The following HLF variants were observed in gnomAD, a reference collection of about 807,000 sequenced individuals.
HLF encodes the protein HLF transcription factor, PAR bZIP family member.
In HLF, 3 loss-of-function variants were observed where a neutral mutation model predicts 22.6. The observed-to-expected ratio is 0.13, with a 90% CI of 0.06 to 0.34. The LOEUF (loss-of-function observed/expected upper bound fraction) is 0.34. HLF is among the 10% of genes least tolerant of loss of function. HLF has a pLI of 1.00. For synonymous variants in HLF, 151 were observed against 151.8 expected, an observed-to-expected ratio of 0.99 and a Z score of 0.04; for missense variants, 299 against 389.2, an observed-to-expected ratio of 0.77 and a Z score of 1.95.
At chr17:55,308,053 C>T (rs1904662510) in intron 2 of HLF, among the ~76,000 whole-genome samples, 1 of 152,058 alleles carries the variant, frequency 6.6e-6, no homozygotes, top group African/African-American at 2.4e-5. Context: ...AGAAGGAAGG[C>T]CAGTGTGGCC....
In HLF at chr17:55,286,428, A is replaced by T. The variant is rs1049944346; in HGVS notation, c.451+18342A>T. On this transcript the variant is annotated intron_variant, in intron 2 of 3. Transcript: ENST00000226067. ...CAAATATCTAATTTCAAAAAGAGGA[A>T]TTAGGAGAAAGAGGTGGTATAATTC... Among the ~76,000 whole-genome samples the T allele has an allele frequency of 2.0e-5, 3 of 152,234 alleles. No homozygotes were observed. The South Asian group carries it at 6.2e-4, about 32-fold the overall frequency.
chr17:55,270,626 A>G (rs192701110), intron 2 of HLF, among the ~76,000 whole-genome samples: 58 of 150,938 alleles, frequency 3.8e-4, no homozygotes, highest in African/African-American at 1.2e-3. Flanking sequence ...GTGTTTCTCA[A>G]CCTTGGCACT....
At position 55,265,556 on chromosome 17, in the gene HLF, C is replaced by T. The variant is rs1226280850; in HGVS notation, c.72C>T (p.Ser24=). 1.2e-6 allele frequency: 2 copies of T among 1,608,462 alleles called. No homozygotes were observed. The highest frequency in any genetic ancestry group is 1.7e-5 in the Admixed American group (1 of 59,614). ...CGCCTCCCTACGGCGTGCTCAGGTC[C>T]CTGCTGGAGAACCCGCTGAAGCTCC... ...FIPPPYGVLR[S]LLENPLKLPL... is the part of the protein sequence containing the mutation. The change falls in exon 1 of 4, where the codon TCC becomes TCT. Residue 24 remains serine (S), a synonymous_variant. Transcript: ENST00000226067.
intron 2 of HLF, among the ~76,000 whole-genome samples, chr17:55,313,077 C>T (rs1423349245): frequency 6.6e-6 from 1 of 152,160 alleles, no homozygotes; most frequent in Non-Finnish European, 1.5e-5. Flanking sequence ...GTCTGTGGTC[C>T]AGTTAGGTTT....
At chr17:55,270,642 T>C (rs2080843325) in intron 2 of HLF, among the ~76,000 whole-genome samples, 1 of 150,468 alleles carries the variant, frequency 6.6e-6, no homozygotes, top group Non-Finnish European at 1.5e-5. Flanking sequence ...GCACTGTTAA[T>C]GTTTTGGGTA....
Position 55,322,276 on chromosome 17 carries a change from A to G in HLF, c.*1397A>G. On this transcript the variant is annotated 3_prime_UTR_variant, in exon 4 of 4. Transcript: ENST00000226067. ...AATGTTTACTATAGACCAAAAGGAGAGATTATTAAATCGTTTAATGTTTAT... is the reference window on the plus strand; with the variant it reads ...AATGTTTACTATAGACCAAAAGGAGGGATTATTAAATCGTTTAATGTTTAT... 5.1e-6 allele frequency: 1 copy of G among 196,418 alleles called. No individual in the cohort carries two copies. Among genetic ancestry groups the G allele is most frequent in the Non-Finnish European group, 1.1e-5 (1 of 94,240 alleles). 12.2% of individuals were successfully genotyped at this position (196,418 alleles called of 1,614,324 possible).
At chr17:55,265,941 C>T (rs895083172) in intron 1 of HLF, 16 of 850,768 alleles carry the variant, frequency 1.9e-5, no homozygotes, top group African/African-American at 3.6e-5. Context: ...AGCCCGCCTG[C>T]GGAGGGCAGA....
In HLF at chr17:55,322,657, CA is replaced by C; in HGVS notation, c.*1782del. ...CAGAAAGAAGTCAGTTAACGTCACC[CA>C]AAAGCACAAAATGGATTTTAGTCAA... is the stretch of plus-strand genomic sequence containing the variant. On this transcript the variant is annotated 3_prime_UTR_variant, in exon 4 of 4. Transcript: ENST00000226067. 1 of 216,588 alleles carries C rather than the reference CA, an allele frequency of 4.6e-6. No homozygotes were observed. The highest frequency in any genetic ancestry group is 9.3e-6 in the Non-Finnish European group (1 of 107,202). The allele number at this position is 216,588 out of a possible 1,614,324, so 13.4% of individuals were successfully genotyped here.
intron 1 of HLF, among the ~76,000 whole-genome samples, chr17:55,267,043 C>A (rs1405621875): frequency 6.6e-6 from 1 of 152,144 alleles, no homozygotes; most frequent in African/African-American, 2.4e-5. Context: ...TCAGTGTGCC[C>A]CAGTGGCTTT....
At chr17:55,282,848 A>G (rs2080966151) in intron 2 of HLF, among the ~76,000 whole-genome samples, 1 of 152,238 alleles carries the variant, frequency 6.6e-6, no homozygotes, top group South Asian at 2.1e-4. Context: ...AGAATCTGAC[A>G]TTCTTCCACT....
chr17:55,267,591 C>T, intron 1 of HLF, 160 bp from the exon 2 acceptor site: 1 of 564,636 alleles, frequency 1.8e-6, no homozygotes, highest in Non-Finnish European at 3.1e-6. Context: ...CACGTCCTGC[C>T]TGAACTTTTA....
intron 2 of HLF, 93 bp downstream of exon 2, chr17:55,268,179 G>T: frequency 2.2e-6 from 2 of 927,738 alleles, no homozygotes; most frequent in Non-Finnish European, 3.2e-6. Context: ...TAACACTCAG[G>T]TTTTAGCAAA....
In HLF at chr17:55,324,808, T is replaced by TGTGCGC. The variant is rs142611274; in HGVS notation, c.*3930_*3931insTGCGCG. On this transcript the variant is annotated 3_prime_UTR_variant, in exon 4 of 4. Coordinates refer to ENST00000226067, the MANE Select transcript of HLF (RefSeq NM_002126.5). ...GTGTAAGAGTGTGTGTGTGTGTGTG[T>TGTGCGC]GCGTGCATGTGTGTGTGTGTGTATG... 2.9e-4 allele frequency: 66 copies of TGTGCGC among 231,166 alleles called. No homozygotes were observed. The highest frequency in any genetic ancestry group is 6.6e-4 in the East Asian group (11 of 16,556). 14.3% of individuals were successfully genotyped at this position (231,166 alleles called of 1,614,324 possible).
intron 2 of HLF, among the ~76,000 whole-genome samples, chr17:55,305,138 C>T (rs1904483942): frequency 6.6e-6 from 1 of 152,242 alleles, no homozygotes; most frequent in Non-Finnish European, 1.5e-5. Context: ...ATACATCAGA[C>T]ACCCTGTCTG....
At chr17:55,272,011 G>A (rs1167776751) in intron 2 of HLF, 2 of 152,220 alleles carry the variant, frequency 1.3e-5, no homozygotes, top group Admixed American at 1.3e-4. Context: ...GCTATTGTGG[G>A]ATCACCAAGC....
At chr17:55,313,707 C>T (rs1183265876) in intron 2 of HLF, among the ~76,000 whole-genome samples, 2 of 152,158 alleles carry the variant, frequency 1.3e-5, no homozygotes, top group Non-Finnish European at 2.9e-5. Flanking sequence ...TAGCTTGACA[C>T]CATCCAGTAC....
chr17:55,313,202 T>C (rs1904914216), intron 2 of HLF, among the ~76,000 whole-genome samples: 2 of 152,202 alleles, frequency 1.3e-5, no homozygotes, highest in African/African-American at 4.8e-5. Context: ...TGTCCATGAA[T>C]GAATGTCAGA....
chr17:55,313,474 G>A (rs1304214462), intron 2 of HLF, among the ~76,000 whole-genome samples: 3 of 151,928 alleles, frequency 2.0e-5, no homozygotes, highest in Non-Finnish European at 2.9e-5. Flanking sequence ...GGAGCTTGGA[G>A]CAATTCGATT....
chr17:55,293,836 G>A (rs1293183242), intron 2 of HLF, among the ~76,000 whole-genome samples: 2 of 152,116 alleles, frequency 1.3e-5, no homozygotes, highest in Non-Finnish European at 1.5e-5. Flanking sequence ...ACACCTGTGT[G>A]GATGGTACAA....
Sources: allele counts gnomAD v4.1 joint callset (sites outside exome capture counted in the v4.1 genomes callset), GRCh38; gene constraint gnomAD v4.1.1; transcripts MANE v1.5; gene names NCBI Gene and HGNC (gene_info 2026-07-23, HGNC 2026-07-21).